The following GPNMB variants were observed in gnomAD, a reference collection of about 807,000 sequenced individuals.
GPNMB encodes the protein glycoprotein nmb.
In GPNMB, 71 loss-of-function variants were observed where a neutral mutation model predicts 57.3. That is an observed-to-expected ratio of 1.24 (90% CI 1.02 to 1.51). The LOEUF (loss-of-function observed/expected upper bound fraction) is 1.51. GPNMB is among the 40% of genes most tolerant of loss of function. GPNMB has a pLI of 0.00. For synonymous variants in GPNMB, 253 were observed against 263.2 expected (o/e 0.96, Z 0.38); for missense variants, 677 against 691.9 (o/e 0.98, Z 0.24).
At chr7:23,269,871 A>T in intron 8 of GPNMB, 96 bp from the exon 9 acceptor site, 1 of 787,852 alleles carries the variant, frequency 1.3e-6, no homozygotes, top group Non-Finnish European at 2.2e-6. Context: ...TCAATTTCAT[A>T]GAAATGTAAT....
At chr7:23,253,106 T>G (rs567154451) in intron 1 of GPNMB, among the ~76,000 whole-genome samples, 20 of 152,352 alleles carry the variant, frequency 1.3e-4, no homozygotes, top group African/African-American at 4.8e-4. Context: ...CATTTAAAGT[T>G]CATAAAGACA....
chr7:23,274,229 C>T lies in GPNMB; in HGVS notation c.*5C>T, dbSNP rs571539220. 1.4e-5 allele frequency: 22 copies of T among 1,610,354 alleles called. No individual in the cohort carries two copies. The highest frequency in any genetic ancestry group is 1.1e-4 in the East Asian group (5 of 44,858). The stretch of plus-strand genomic sequence containing the variant: ...GAATTTAAAGGAGTTTCTTAAATTT[C>T]GACCTTGTTTCTGAAGCTCACTTTT... On this transcript the variant is annotated 3_prime_UTR_variant, in exon 11 of 11. Coordinates refer to ENST00000258733, the MANE Select transcript of GPNMB (RefSeq NM_002510.3).
chr7:23,262,572 A>G (rs1203356843), intron 6 of GPNMB, among the ~76,000 whole-genome samples: 1 of 144,414 alleles, frequency 6.9e-6, no homozygotes, highest in African/African-American at 2.5e-5. Context: ...ATAGTGTTTC[A>G]TAGAATGTAT....
At chr7:23,256,602 G>A (rs1562634865) in intron 3 of GPNMB, among the ~76,000 whole-genome samples, 1 of 152,172 alleles carries the variant, frequency 6.6e-6, no homozygotes, top group Non-Finnish European at 1.5e-5. Flanking sequence ...GAATAGGATT[G>A]TGACTTGAAA....
At chr7:23,252,146 A>G (rs564942033) in intron 1 of GPNMB, among the ~76,000 whole-genome samples, 2 of 152,246 alleles carry the variant, frequency 1.3e-5, no homozygotes, top group Non-Finnish European at 2.9e-5. Context: ...TGGAATCCAA[A>G]TGTAACTCCA....
intron 7 of GPNMB, among the ~76,000 whole-genome samples, chr7:23,267,398 G>A (rs573722634): frequency 6.6e-6 from 1 of 152,324 alleles, no homozygotes; most frequent in East Asian, 1.9e-4. Context: ...CAAGAGGGCT[G>A]TCTTCCTTTT....
chr7:23,271,194 G>A (rs1783195836), intron 9 of GPNMB, among the ~76,000 whole-genome samples: 1 of 152,232 alleles, frequency 6.6e-6, no homozygotes, highest in Admixed American at 6.5e-5. Flanking sequence ...CTATGAGAAT[G>A]TAATGTTGCC....
In GPNMB at chr7:23,266,486, A is replaced by C. The variant is rs760771359; in HGVS notation, c.1019-31A>C. 1.2e-6 allele frequency: 2 copies of C among 1,605,078 alleles called. No individual in the cohort carries two copies. The highest frequency in any genetic ancestry group is 1.1e-5 in the South Asian group (1 of 89,568). On this transcript the variant is annotated intron_variant, in intron 6 of 10. Coordinates refer to ENST00000258733, the MANE Select transcript of GPNMB (RefSeq NM_002510.3). ...TGTATCTTTTATGTTCGTAGCAACT[A>C]CTCTAAAATCTTATGATTCAAACAC...
rs1782553566 is a variant in GPNMB, at chr7:23,247,240, C to T, written c.70+313C>T. On this transcript the variant is annotated intron_variant, in intron 1 of 10. Coordinates refer to ENST00000258733, the MANE Select transcript of GPNMB (RefSeq NM_002510.3). ...TGGGGGAGGGTTGGACAGCCTCCGG[C>T]CACAGAACAAAGCAACTCCACCAAC... The T allele has an allele frequency of 1.3e-5, 5 of 381,130 alleles. No individual in the cohort carries two copies. The Admixed American group carries it at 1.9e-4, about 14-fold the overall frequency. The allele number at this position is 381,130 out of a possible 1,614,324, so 23.6% of individuals were successfully genotyped here.
At chr7:23,266,786 C>T (rs575777661) in intron 7 of GPNMB, among the ~76,000 whole-genome samples, 171 bp downstream of exon 7, 4 of 152,320 alleles carry the variant, frequency 2.6e-5, no homozygotes, top group African/African-American at 9.6e-5. Flanking sequence ...TCTAGATTCC[C>T]ACCTGCCTCC....
In GPNMB at chr7:23,273,634, G is replaced by A. The variant is rs772043664; in HGVS notation, c.1523+20G>A. On this transcript the variant is annotated intron_variant, in intron 10 of 10. Coordinates refer to ENST00000258733, the MANE Select transcript of GPNMB (RefSeq NM_002510.3). ...GTACAAGTAAGTTTTTGGTTCCTAC[G>A]CTTTATATCACTATAGTGTATTGTC... 5.9e-6 allele frequency: 8 copies of A among 1,363,552 alleles called. No homozygotes were observed. The highest frequency in any genetic ancestry group is 4.6e-5 in the East Asian group (2 of 43,744). The allele number at this position is 1,363,552 out of a possible 1,614,324, so 84.5% of individuals were successfully genotyped here.
intron 1 of GPNMB, among the ~76,000 whole-genome samples, chr7:23,252,366 CA>C (rs1782678907): frequency 6.6e-6 from 1 of 152,128 alleles, no homozygotes; most frequent in African/African-American, 2.4e-5. Flanking sequence ...TATAAAAATG[CA>C]GACAGGTTTA....
At chr7:23,258,115 CT>C (rs1782826119) in intron 4 of GPNMB, 1 of 152,080 alleles carries the variant, frequency 6.6e-6, no homozygotes, top group Non-Finnish European at 1.5e-5. Context: ...GAAATGATTA[CT>C]TTTAGAAGGA....
Position 23,260,056 on chromosome 7 carries a change from A to G in GPNMB, c.618A>G (p.Gln206=), listed in dbSNP as rs1198805377. 3.1e-6 allele frequency: 5 copies of G among 1,613,954 alleles called. No homozygotes were observed. Among genetic ancestry groups the G allele is most frequent in the Non-Finnish European group, 4.2e-6 (5 of 1,179,948 alleles). The change falls in exon 5 of 11, where the codon CAA becomes CAG. Residue 206 remains glutamine, a synonymous_variant. Coordinates refer to ENST00000258733, the MANE Select transcript of GPNMB (RefSeq NM_002510.3). ...CAGCCAATGTGACACTTGGGCCTCA[A>G]CTCATGGAAGTGACTGTCTACAGAA... ...VNTANVTLGP[Q]LMEVTVYRRH...
chr7:23,260,746 A>G lies in GPNMB; in HGVS notation c.991A>G (p.Arg331Gly). Residue 331 changes from arginine (R) to glycine (G), a missense_variant, in exon 6 of 11, where the codon AGA (arginine) becomes GGA (glycine). By Grantham distance (125) the Arg-to-Gly change is moderately radical. Transcript: ENST00000258733. ...TTGTCCGCCACCGCCACCACCACCC[A>G]GACCTTCAAAACCCACCCCTTCTTT... ...GPCPPPPPPP[R>G]PSKPTPSLGP... is the part of the protein sequence containing the mutation. The G allele has an allele frequency of 6.4e-7, 1 of 1,570,704 alleles. No homozygotes were observed. The highest frequency in any genetic ancestry group is 8.6e-7 in the Non-Finnish European group (1 of 1,157,518).
chr7:23,253,448 A>G lies in GPNMB; in HGVS notation c.212A>G (p.Asn71Ser). 6.2e-7 allele frequency: 1 copy of G among 1,613,422 alleles called. No individual in the cohort carries two copies. Among genetic ancestry groups the G allele is most frequent in the Non-Finnish European group, 8.5e-7 (1 of 1,179,702 alleles). ...VWKRGDMRWK[N>S]SWKGGRVQAV... is the part of the protein sequence containing the mutation. ...AAGCGGGGAGACATGAGGTGGAAAAACTCCTGGAAGGGTAAGTCAAAAGAT... is the reference window on the plus strand; with the variant it reads ...AAGCGGGGAGACATGAGGTGGAAAAGCTCCTGGAAGGGTAAGTCAAAAGAT... Residue 71 changes from asparagine (N) to serine (S), a missense_variant, in exon 2 of 11, where the codon AAC becomes AGC. Transcript: ENST00000258733.
chr7:23,250,721 C>T (rs895092923), intron 1 of GPNMB: 9 of 152,078 alleles, frequency 5.9e-5, no homozygotes, highest in Admixed American at 2.0e-4. Context: ...GAGAAATCTG[C>T]GTTTTGATTA....
intron 9 of GPNMB, among the ~76,000 whole-genome samples, chr7:23,270,462 G>A (rs1260673911): frequency 1.3e-5 from 2 of 152,052 alleles, no homozygotes; most frequent in Admixed American, 6.6e-5. Flanking sequence ...ATCACTGCAC[G>A]CTTGAATAGA....
At chr7:23,266,098 A>G (rs112105017) in intron 6 of GPNMB, 5,561 of 159,660 alleles carry the variant, frequency 0.035, 298 homozygotes, top group African/African-American at 0.12. Flanking sequence ...ACAGGCGCCC[A>G]CCACCACACC....
Sources: gnomAD v4.1 joint callset for allele counts (sites outside exome capture counted in the v4.1 genomes callset) on GRCh38, gnomAD v4.1.1 for gene constraint, MANE v1.5 for transcripts, NCBI Gene and HGNC (gene_info 2026-07-23, HGNC 2026-07-21) for gene names.